The following FHAD1 variants were observed in gnomAD, a reference collection of about 807,000 sequenced individuals.
FHAD1 encodes forkhead-associated domain-containing protein 1.
In FHAD1, 146 loss-of-function variants were observed where a neutral mutation model predicts 191.3. The ratio of observed to expected loss-of-function variants is 0.76; its 90% CI spans 0.67 to 0.88. The LOEUF (loss-of-function observed/expected upper bound fraction) is 0.88, where lower values mean the gene tolerates loss of function less well. Among genes scored for constraint, FHAD1 ranks in the 40% least tolerant of loss-of-function variants. The pLI is 0.00. For missense variants in FHAD1, 1,635 were observed against 1,785.8 expected (o/e 0.92, Z 1.52); for synonymous variants, 616 against 672.3 (o/e 0.92, Z 1.29).
chr1:15,349,188 T>A, intron 19 of FHAD1, 39 bp downstream of exon 19: 1 of 1,435,446 alleles, frequency 7.0e-7, no homozygotes, highest in Non-Finnish European at 9.6e-7. Context: ...TGGAAGGAAC[T>A]ACAAAGCCAG....
chr1:15,261,797 CAG>C (rs1399247979), intron 2 of FHAD1, among the ~76,000 whole-genome samples: 5 of 152,160 alleles, frequency 3.3e-5, no homozygotes, highest in Admixed American at 6.5e-5. Flanking sequence ...GAGGCAGTGA[CAG>C]GGGTCACAGT....
rs1356244621 is a variant in FHAD1 at position 15,296,691 on chromosome 1, C to G, written c.576C>G (p.Thr192=). The change falls in exon 5 of 34, where the codon ACC becomes ACG. Residue 192 remains threonine (T), a synonymous_variant. Coordinates refer to ENST00000688493, the MANE Select transcript of FHAD1 (RefSeq NM_001391957.1). ...GCTGATCTCACGCCTTAGTGTGGACCAATGCCATGAAACTGTCAGAAAAAT... is the reference window on the plus strand; with the variant it reads ...GCTGATCTCACGCCTTAGTGTGGACGAATGCCATGAAACTGTCAGAAAAAT... ...RKPPVIKQVW[T]NAMKLSEKSV... 3.9e-6 allele frequency: 6 copies of G among 1,552,166 alleles called. No individual in the cohort carries two copies. The highest frequency in any genetic ancestry group is 2.4e-5 in the East Asian group (1 of 40,918).
rs745658743 is a variant in FHAD1 at position 15,301,371 on chromosome 1, C to T, written c.845C>T (p.Ser282Leu). Residue 282 changes from serine (S) to leucine (L), a missense_variant, in exon 6 of 34, where the codon TCG becomes TTG. By Grantham distance (145) the Ser-to-Leu change is moderately radical (BLOSUM62 -2). Transcript: ENST00000688493. ...TCCAGGCAGAATGAGAAGGAGATCTCGCAGAAGTGTCAGGTTCTGGATGAA... is the reference window on the plus strand; with the variant it reads ...TCCAGGCAGAATGAGAAGGAGATCTTGCAGAAGTGTCAGGTTCTGGATGAA... ...TTSRQNEKEI[S>L]QKCQVLDEDI... 88 of 1,551,620 alleles carry T rather than the reference C, an allele frequency of 5.7e-5. No homozygotes were observed. In the South Asian group the frequency reaches 7.7e-4, roughly 14 times the overall value.
intron 18 of FHAD1, among the ~76,000 whole-genome samples, chr1:15,345,960 C>G (rs1201482696): frequency 6.6e-6 from 1 of 152,180 alleles, no homozygotes; most frequent in African/African-American, 2.4e-5. Context: ...GCATGGATGC[C>G]TCAGGCCGAC....
At chr1:15,298,571 G>A (rs1667653617) in intron 5 of FHAD1, among the ~76,000 whole-genome samples, 3 of 152,290 alleles carry the variant, frequency 2.0e-5, no homozygotes, top group Admixed American at 6.5e-5. Context: ...GGTTTCCAGA[G>A]GGCCAGGACA....
chr1:15,326,950 G>A (rs988667370), intron 11 of FHAD1, 109 bp from the exon 12 acceptor site: 1 of 649,068 alleles, frequency 1.5e-6, no homozygotes, highest in African/African-American at 1.8e-5. Context: ...GGTCATTCAG[G>A]CGTGCAAACC....
At chr1:15,386,848 TC>T (rs1251916185) in intron 31 of FHAD1, among the ~76,000 whole-genome samples, 1 of 120,184 alleles carries the variant, frequency 8.3e-6, no homozygotes, top group African/African-American at 4.8e-5. Context: ...TTCCTTTCTT[TC>T]TTTTTTTTTT....
At position 15,329,381 on chromosome 1, in the gene FHAD1, G is replaced by T. The variant is rs1330863177; in HGVS notation, c.1746G>T (p.Leu582=). ...AAATATCCTGTTGCAGCCATGACCT[G>T]AAGAAGGAGGTCGACCTTCTTCAGC... is the stretch of plus-strand genomic sequence containing the variant. ...CMKISCCSHD[L]KKEVDLLQHL... is the part of the protein sequence containing the mutation. Residue 582 remains leucine (L), a synonymous_variant, in exon 14 of 34, where the codon CTG becomes CTT. Coordinates refer to ENST00000688493, the MANE Select transcript of FHAD1 (RefSeq NM_001391957.1). The surrounding 1 kb of genome is among the most constrained non-coding windows in gnomAD (Gnocchi z 5.0). The T allele has an allele frequency of 1.3e-6, 2 of 1,550,064 alleles. No homozygotes were observed. Among genetic ancestry groups the T allele is most frequent in the East Asian group, 4.9e-5 (2 of 40,872 alleles).
At position 15,345,191 on chromosome 1, in the gene FHAD1, G is replaced by T; in HGVS notation, c.2238+1G>T. On this transcript the variant is annotated splice_donor_variant, in intron 17 of 33. Transcript: ENST00000688493. LOFTEE classifies it high-confidence loss of function. ...GAGCCTCCTGGCCCAGCAGAAGAAG[G>T]TATGTGGCTCAGGGAGACAGAGTCA... The T allele has an allele frequency of 3.2e-6, 5 of 1,550,576 alleles. No homozygotes were observed. The South Asian group carries it at 3.6e-5, about 11-fold the overall frequency.
chr1:15,285,004 G>A (rs1011579618), intron 3 of FHAD1, among the ~76,000 whole-genome samples: 49 of 152,340 alleles, frequency 3.2e-4, no homozygotes, highest in African/African-American at 1.1e-3. Context: ...CAGACTTGTT[G>A]ATAACTGACC....
At chr1:15,244,484 G>A (rs917105014), upstream of FHAD1, among the ~76,000 whole-genome samples, 5 of 152,148 alleles carry the variant, frequency 3.3e-5, no homozygotes, top group Non-Finnish European at 7.3e-5. The surrounding 1 kb of genome is among the most constrained non-coding windows in gnomAD (Gnocchi z 5.1). Context: ...TTAATGACAA[G>A]AGTTTGACCA....
At chr1:15,260,357 T>C (rs772793692) in intron 2 of FHAD1, among the ~76,000 whole-genome samples, 4 of 152,226 alleles carry the variant, frequency 2.6e-5, no homozygotes, top group Admixed American at 1.3e-4. Flanking sequence ...TGGTTAATAC[T>C]ACAGTACATT....
intron 31 of FHAD1, 125 bp downstream of exon 31, chr1:15,382,318 A>C: frequency 1.1e-6 from 1 of 942,010 alleles, no homozygotes; most frequent in Non-Finnish European, 1.6e-6. Context: ...AAAGGGAGGC[A>C]ACTGGATAGC....
At chr1:15,396,675 C>T (rs1706079924) in intron 33 of FHAD1, among the ~76,000 whole-genome samples, 1 of 151,584 alleles carries the variant, frequency 6.6e-6, no homozygotes, top group African/African-American at 2.4e-5. Flanking sequence ...CCGGGTGTGG[C>T]GGCATGTGCC....
intron 20 of FHAD1, among the ~76,000 whole-genome samples, chr1:15,356,688 A>G (rs1416369542): frequency 6.6e-6 from 1 of 152,158 alleles, no homozygotes; most frequent in Non-Finnish European, 1.5e-5. Flanking sequence ...CCTGGCCAAC[A>G]TGGCAAAACC....
intron 3 of FHAD1, among the ~76,000 whole-genome samples, chr1:15,287,950 C>CA (rs1663087609): frequency 6.6e-6 from 1 of 152,158 alleles, no homozygotes; most frequent in African/African-American, 2.4e-5. Context: ...CTCTGGGCTA[C>CA]AGAAGGAGAA....
intron 2 of FHAD1, among the ~76,000 whole-genome samples, chr1:15,270,052 A>G (rs1221223754): frequency 6.6e-6 from 1 of 151,820 alleles, no homozygotes; most frequent in Admixed American, 6.6e-5. Flanking sequence ...CTGGGATTAC[A>G]AGTGTGCACC....
Position 15,247,409 on chromosome 1 carries a change from G to A in FHAD1, c.-15+14G>A. 5.0e-6 allele frequency: 1 copy of A among 199,268 alleles called. No individual in the cohort carries two copies. Among genetic ancestry groups the A allele is most frequent in the African/African-American group, 2.4e-5 (1 of 41,872 alleles). The allele number at this position is 199,268 out of a possible 1,614,324, so 12.3% of individuals were successfully genotyped here. On this transcript the variant is annotated intron_variant, in intron 1 of 33. Coordinates refer to ENST00000688493, the MANE Select transcript of FHAD1 (RefSeq NM_001391957.1). ...TCCTCCCGCCAGGTGAGTGCGGCGC[G>A]GGAAGGGGTGGCGGGCCGAGACCGG...
chr1:15,373,329 T>C (rs538957304), intron 26 of FHAD1, among the ~76,000 whole-genome samples: 87 of 151,382 alleles, frequency 5.7e-4, no homozygotes, highest in African/African-American at 1.9e-3. Context: ...GCCAACGTGG[T>C]GAAACCCCGT....
Sources: gnomAD v4.1 joint callset for allele counts (sites outside exome capture counted in the v4.1 genomes callset) on GRCh38, gnomAD v4.1.1 for gene constraint, Gnocchi (gnomAD v3.1) non-coding constraint, MANE v1.5 for transcripts, NCBI Gene and HGNC (gene_info 2026-07-23, HGNC 2026-07-21) for gene names.